CCNY: variants seen among roughly 807,000 people sequenced by gnomAD.
CCNY encodes cyclin-Y.
In CCNY, 19 loss-of-function variants were observed where a neutral mutation model predicts 42.8. The observed-to-expected ratio is 0.44, with a 90% CI of 0.31 to 0.65. CCNY has a LOEUF of 0.65. Ranked by LOEUF, CCNY falls within the 30% of genes least tolerant of loss-of-function variation. The pLI is 0.07. For synonymous variants in CCNY, 165 were observed against 162.7 expected, an observed-to-expected ratio of 1.01 and a Z score of -0.11; for missense variants, 370 against 437.3, an observed-to-expected ratio of 0.85 and a Z score of 1.37.
intron 3 of CCNY, among the ~76,000 whole-genome samples, chr10:35,513,876 C>T (rs113798068): frequency 0.015 from 2,288 of 152,206 alleles, 44 homozygotes; most frequent in East Asian, 0.056. Flanking sequence ...TGGAGCAATA[C>T]ATTAACAAAA....
intron 7 of CCNY, among the ~76,000 whole-genome samples, chr10:35,534,980 T>C (rs1315770713): frequency 1.5e-5 from 2 of 129,252 alleles, no homozygotes; most frequent in African/African-American, 5.9e-5. Flanking sequence ...CACACATATA[T>C]ATATATAGAT....
intron 1 of CCNY, among the ~76,000 whole-genome samples, chr10:35,405,932 G>A (rs573258304): frequency 3.0e-4 from 45 of 152,278 alleles, no homozygotes; most frequent in African/African-American, 1.0e-3. Context: ...CCAGATTTCC[G>A]GCACTTGAAG....
intron 1 of CCNY, among the ~76,000 whole-genome samples, chr10:35,348,842 G>C (rs1836365266): frequency 6.6e-6 from 1 of 152,120 alleles, no homozygotes; most frequent in African/African-American, 2.4e-5. Flanking sequence ...CTTCTTTCAT[G>C]GAACTAATAT....
chr10:35,475,661 C>T (rs61843294), intron 1 of CCNY, among the ~76,000 whole-genome samples: 28 of 148,576 alleles, frequency 1.9e-4, no homozygotes, highest in African/African-American at 7.2e-4. Context: ...AAAGGAACAA[C>T]TGGTACCAGC....
intron 8 of CCNY, among the ~76,000 whole-genome samples, chr10:35,564,233 T>G (rs1174034231): frequency 1.3e-5 from 2 of 152,020 alleles, no homozygotes; most frequent in South Asian, 2.1e-4. Context: ...GAGCTTGTTA[T>G]CACTCTTTTC....
intron 1 of CCNY, among the ~76,000 whole-genome samples, chr10:35,376,761 T>G (rs1268910382): frequency 2.0e-5 from 3 of 152,192 alleles, no homozygotes; most frequent in Non-Finnish European, 4.4e-5. Context: ...GGGTGAACCT[T>G]TAAAACATTA....
chr10:35,397,943 C>G (rs930793710), intron 1 of CCNY, among the ~76,000 whole-genome samples: 1 of 152,160 alleles, frequency 6.6e-6, no homozygotes, highest in Admixed American at 6.5e-5. Flanking sequence ...GGACTTCCCC[C>G]TCTGGTGATG....
intron 1 of CCNY, among the ~76,000 whole-genome samples, chr10:35,363,392 G>A (rs1836741914): frequency 6.7e-6 from 1 of 149,894 alleles, no homozygotes; most frequent in Non-Finnish European, 1.5e-5. Flanking sequence ...TGGTTGGGGG[G>A]CCGGGCAGAG....
chr10:35,344,681 C>T (rs1012539241), intron 1 of CCNY, among the ~76,000 whole-genome samples: 3 of 152,026 alleles, frequency 2.0e-5, no homozygotes, highest in Non-Finnish European at 4.4e-5. Flanking sequence ...CCCATTAACT[C>T]GTCATTTAAC....
At chr10:35,519,776 C>CTTTTTGTTTTTTTTTTTT (rs1840507765) in intron 4 of CCNY, among the ~76,000 whole-genome samples, 1 of 74,660 alleles carries the variant, frequency 1.3e-5, no homozygotes, top group African/African-American at 5.8e-5. Flanking sequence ...CTTTTCTTTT[C>CTTTTTGTTTTTTTTTTTT]TTTTTTTTTT....
At chr10:35,296,324 A>T (rs999162295) in intron 3 of CCNY, among the ~76,000 whole-genome samples, 2 of 152,244 alleles carry the variant, frequency 1.3e-5, no homozygotes, top group African/African-American at 4.8e-5. Flanking sequence ...TCACGCCTGT[A>T]ATTTCAGGAC....
At chr10:35,539,664 G>A (rs1840958492) in intron 7 of CCNY, among the ~76,000 whole-genome samples, 1 of 152,186 alleles carries the variant, frequency 6.6e-6, no homozygotes, top group South Asian at 2.1e-4. Flanking sequence ...ACATGCATCT[G>A]TAGTCCCAGC....
chr10:35,291,601 G>A (rs760987866), intron 3 of CCNY, among the ~76,000 whole-genome samples: 9 of 140,208 alleles, frequency 6.4e-5, no homozygotes, highest in Non-Finnish European at 1.2e-4. Flanking sequence ...GCACGATCTC[G>A]CTCACTGCTA....
chr10:35,363,170 C>A (rs1030811800), intron 1 of CCNY, among the ~76,000 whole-genome samples: 2 of 149,568 alleles, frequency 1.3e-5, no homozygotes, highest in African/African-American at 4.9e-5. Context: ...AGAGGTGGTC[C>A]TCACTTCCCC....
chr10:35,340,107 T>C (rs772446149), intron 1 of CCNY, among the ~76,000 whole-genome samples: 1 of 152,210 alleles, frequency 6.6e-6, no homozygotes, highest in Non-Finnish European at 1.5e-5. Context: ...AGTAACCCTA[T>C]GGGTAATATT....
intron 9 of CCNY, among the ~76,000 whole-genome samples, chr10:35,566,524 G>A (rs1176909180): frequency 6.6e-6 from 1 of 152,102 alleles, no homozygotes; most frequent in Non-Finnish European, 1.5e-5. Flanking sequence ...TGTATTTTTA[G>A]TAGAGATGGG....
chr10:35,301,532 T>C (rs886918429), intron 3 of CCNY, among the ~76,000 whole-genome samples: 12 of 152,206 alleles, frequency 7.9e-5, no homozygotes, highest in Admixed American at 7.9e-4. Flanking sequence ...TTATGCACGG[T>C]ATTTCTCTTA....
At chr10:35,441,439 T>C (rs1044410618) in intron 1 of CCNY, among the ~76,000 whole-genome samples, 1 of 152,248 alleles carries the variant, frequency 6.6e-6, no homozygotes, top group African/African-American at 2.4e-5. Context: ...ATTATTACTA[T>C]GCTTTAGCTT....
chr10:35,341,727 C>T (rs1200339101), intron 1 of CCNY, among the ~76,000 whole-genome samples: 2 of 152,112 alleles, frequency 1.3e-5, no homozygotes, highest in Non-Finnish European at 2.9e-5. Context: ...GGATGTGAAA[C>T]TTTTTGGCTT....
Sources: gnomAD v4.1 joint callset for allele counts (sites outside exome capture counted in the v4.1 genomes callset) on GRCh38, gnomAD v4.1.1 for gene constraint, MANE v1.5 for transcripts, NCBI Gene and HGNC (gene_info 2026-07-23, HGNC 2026-07-21) for gene names.